ADARB2: variants seen among roughly 807,000 people sequenced by gnomAD.
The protein encoded by ADARB2 is inactive double-stranded RNA-specific editase B2.
A neutral mutation model predicts 62.2 loss-of-function variants in ADARB2; 25 were observed. The ratio of observed to expected loss-of-function variants is 0.40; its 90% CI spans 0.29 to 0.56. ADARB2 has a LOEUF of 0.56. ADARB2 is among the 20% of genes least tolerant of loss of function. The probability of loss-of-function intolerance (pLI) is 0.43; values close to 1 mark genes in which losing one functional copy is unlikely to be tolerated. For missense variants in ADARB2, 1,071 were observed against 1,077.4 expected (o/e 0.99, Z 0.08); for synonymous variants, 572 against 500.8 (o/e 1.14, Z -1.90).
At chr10:1,634,677 A>G (rs1439153387) in intron 1 of ADARB2, among the ~76,000 whole-genome samples, 1 of 152,380 alleles carries the variant, frequency 6.6e-6, no homozygotes, top group South Asian at 2.1e-4. Context: ...CTTTAGAAGC[A>G]CACAATATCC....
intron 4 of ADARB2, among the ~76,000 whole-genome samples, chr10:1,257,279 C>T (rs1055421476): frequency 4.6e-5 from 7 of 152,210 alleles, no homozygotes; most frequent in Admixed American, 4.6e-4. Flanking sequence ...GGGGAGGCCG[C>T]CCTGAACCCA....
chr10:1,300,661 T>C (rs1025676751), intron 3 of ADARB2, among the ~76,000 whole-genome samples: 7 of 152,244 alleles, frequency 4.6e-5, no homozygotes, highest in African/African-American at 7.2e-5. Context: ...TTAAAATTCC[T>C]CGTGGGCTTC....
At chr10:1,693,249 G>A (rs753392643) in intron 1 of ADARB2, among the ~76,000 whole-genome samples, 17 of 152,238 alleles carry the variant, frequency 1.1e-4, no homozygotes, top group Non-Finnish European at 2.4e-4. Flanking sequence ...CCTACTCAGC[G>A]CTTCATTTTC....
In ADARB2 at chr10:1,432,552, C is replaced by T. The variant is rs529901177; in HGVS notation, c.101-53392G>A. ...TGAGGGTATTTTAATCTAGGATGCA[C>T]GTTCACTTATCTAAGTGAAAAGTCC... On this transcript the variant is annotated intron_variant, in intron 1 of 9. Coordinates refer to ENST00000381312, the MANE Select transcript of ADARB2 (RefSeq NM_018702.4). 6.7e-5 allele frequency among the ~76,000 whole-genome samples: 10 copies of T among 149,120 alleles called. No individual in the cohort carries two copies. The South Asian group carries it at 8.8e-4, about 13-fold the overall frequency.
intron 1 of ADARB2, among the ~76,000 whole-genome samples, chr10:1,537,559 A>T (rs1832349398): frequency 6.6e-6 from 1 of 152,220 alleles, no homozygotes; most frequent in African/African-American, 2.4e-5. Flanking sequence ...CTTAGAACCA[A>T]CCCAAATGCC....
At chr10:1,506,451 C>G (rs973554102) in intron 1 of ADARB2, among the ~76,000 whole-genome samples, 5 of 152,212 alleles carry the variant, frequency 3.3e-5, no homozygotes, top group African/African-American at 1.2e-4. Flanking sequence ...CTCATGTTCC[C>G]AAGCACCAGA....
chr10:1,561,091 TTAA>T (rs1206804994), intron 1 of ADARB2, among the ~76,000 whole-genome samples: 3 of 152,364 alleles, frequency 2.0e-5, no homozygotes, highest in African/African-American at 7.2e-5. Flanking sequence ...GAAACTAATT[TTAA>T]TAATAAATTT....
chr10:1,334,688 A>G (rs931679587), intron 3 of ADARB2, among the ~76,000 whole-genome samples: 1 of 152,218 alleles, frequency 6.6e-6, no homozygotes, highest in African/African-American at 2.4e-5. Flanking sequence ...AAGTTTCTTC[A>G]AGAAGTCAAC....
intron 1 of ADARB2, among the ~76,000 whole-genome samples, chr10:1,555,899 C>CA (rs1387413189): frequency 6.6e-6 from 1 of 152,100 alleles, no homozygotes; most frequent in East Asian, 2.0e-4. Flanking sequence ...CACACCACTG[C>CA]ACTCCAGCCT....
At chr10:1,603,108 C>A (rs1453816792) in intron 1 of ADARB2, among the ~76,000 whole-genome samples, 1 of 148,522 alleles carries the variant, frequency 6.7e-6, no homozygotes, top group African/African-American at 2.6e-5. Context: ...TCAACACACA[C>A]ACCTATACAC....
chr10:1,359,405 G>C (rs1385318254), intron 3 of ADARB2, among the ~76,000 whole-genome samples: 1 of 152,212 alleles, frequency 6.6e-6, no homozygotes. Context: ...AGATGAGTCT[G>C]ATCCTGAGAA....
At chr10:1,300,302 G>A (rs1831561638) in intron 3 of ADARB2, among the ~76,000 whole-genome samples, 1 of 152,184 alleles carries the variant, frequency 6.6e-6, no homozygotes, top group Admixed American at 6.5e-5. Context: ...TGCCCTCGCA[G>A]CAGGGATGGT....
At chr10:1,495,261 C>A (rs1831672109) in intron 1 of ADARB2, among the ~76,000 whole-genome samples, 1 of 152,150 alleles carries the variant, frequency 6.6e-6, no homozygotes, top group Non-Finnish European at 1.5e-5. Flanking sequence ...AAAAAGCAAC[C>A]AGTTAGAAGA....
chr10:1,357,126 A>G (rs1003532356), intron 3 of ADARB2, among the ~76,000 whole-genome samples: 3 of 152,210 alleles, frequency 2.0e-5, no homozygotes, highest in African/African-American at 7.2e-5. Context: ...GAGACGTGAA[A>G]CCGAACTCAG....
At chr10:1,390,569 T>C (rs1278216665) in intron 1 of ADARB2, among the ~76,000 whole-genome samples, 1 of 152,244 alleles carries the variant, frequency 6.6e-6, no homozygotes, top group South Asian at 2.1e-4. Context: ...TTGAGGATGA[T>C]AGATATTAAA....
intron 1 of ADARB2, chr10:1,535,443 CCTT>C (rs1832318816): frequency 6.4e-6 from 1 of 155,332 alleles, no homozygotes; most frequent in Non-Finnish European, 1.5e-5. Context: ...AAATGTATCT[CCTT>C]CTTAGATTTG....
chr10:1,650,140 G>A (rs1358541407), intron 1 of ADARB2, among the ~76,000 whole-genome samples: 2 of 152,228 alleles, frequency 1.3e-5, no homozygotes, highest in African/African-American at 4.8e-5. Context: ...CTGCAAGACT[G>A]GCTACGTTCA....
chr10:1,711,227 A>C (rs570819550), intron 1 of ADARB2, among the ~76,000 whole-genome samples: 28 of 152,242 alleles, frequency 1.8e-4, no homozygotes, highest in African/African-American at 6.5e-4. Flanking sequence ...CTTACACTTA[A>C]AACATGAGAA....
At chr10:1,670,914 G>A (rs1053942099) in intron 1 of ADARB2, among the ~76,000 whole-genome samples, 1 of 152,102 alleles carries the variant, frequency 6.6e-6, no homozygotes, top group Non-Finnish European at 1.5e-5. Flanking sequence ...AAGGGACGGG[G>A]GCAGAACGTC....
Sources: allele counts gnomAD v4.1 joint callset (sites outside exome capture counted in the v4.1 genomes callset), GRCh38; gene constraint gnomAD v4.1.1; transcripts MANE v1.5; gene names NCBI Gene and HGNC (gene_info 2026-07-23, HGNC 2026-07-21).